Variants in TASL observed in about 807,000 individuals in gnomAD.
TASL encodes the protein TLR adaptor interacting with endolysosomal SLC15A4, also known as TLR adapter interacting with SLC15A4 on the lysosome.
In TASL, 6 loss-of-function variants were observed where a neutral mutation model predicts 12.9. That is an observed-to-expected ratio of 0.46 (90% CI 0.25 to 0.92). The LOEUF is 0.92. Ranked by LOEUF, TASL falls within the 40% of genes least tolerant of loss-of-function variation. TASL has a pLI of 0.17. For missense variants in TASL, 165 were observed against 212.8 expected (o/e 0.78, Z 1.40); for synonymous variants, 85 against 79.3 (o/e 1.07, Z -0.38).
chrX:30,569,765 C>A (rs768388686), intron 2 of TASL, among the ~76,000 whole-genome samples: 1 of 111,732 alleles, frequency 8.9e-6, no homozygotes, highest in African/African-American at 3.2e-5. Flanking sequence ...ATAATCCCAG[C>A]ACTTTGGGAG....
In TASL at chrX:30,564,525, C is replaced by G. The variant is rs190655197; in HGVS notation, c.-1-4169G>C. On this transcript the variant is annotated intron_variant, in intron 2 of 2. Coordinates refer to ENST00000378962, the MANE Select transcript of TASL (RefSeq NM_025159.3). ...TGAAAAAAAGAGTCACAAAAAAAGA[C>G]CAAGAACCAGAATCTTCAGACTTCT... Among the ~76,000 whole-genome samples, 14 of 111,268 alleles carry G rather than the reference C, an allele frequency of 1.3e-4. No homozygotes were observed. The Admixed American group carries it at 1.3e-3, about 11-fold the overall frequency.
At chrX:30,560,893 G>A (rs1009188806) in intron 2 of TASL, among the ~76,000 whole-genome samples, 3 of 111,096 alleles carry the variant, frequency 2.7e-5, no homozygotes, top group Non-Finnish European at 5.7e-5. Flanking sequence ...AGCCTTGGCA[G>A]TCAGGCAAAA....
At chrX:30,561,701 T>C (rs1262910544) in intron 2 of TASL, among the ~76,000 whole-genome samples, 1 of 111,331 alleles carries the variant, frequency 9.0e-6, no homozygotes, top group Non-Finnish European at 1.9e-5. Context: ...GTAATTTTTT[T>C]TTTCTCTTTT....
At chrX:30,572,352 A>G (rs1201914992) in intron 2 of TASL, among the ~76,000 whole-genome samples, 1 of 112,376 alleles carries the variant, frequency 8.9e-6, no homozygotes, top group African/African-American at 3.2e-5. Context: ...ATTTTTTAAA[A>G]TTGACAGATA....
At chrX:30,569,081 G>A (rs1930549110) in intron 2 of TASL, among the ~76,000 whole-genome samples, 1 of 110,924 alleles carries the variant, frequency 9.0e-6, no homozygotes, top group Admixed American at 9.6e-5. Flanking sequence ...GATTCATCCT[G>A]TAGGCACTGC....
chrX:30,571,272 A>AAG (rs753603469), intron 2 of TASL, among the ~76,000 whole-genome samples: 1 of 49,756 alleles, frequency 2.0e-5, no homozygotes, highest in African/African-American at 5.9e-5. Flanking sequence ...GAAAGAAAGA[A>AAG]AGAAAGAAAG....
intron 2 of TASL, among the ~76,000 whole-genome samples, chrX:30,576,067 AT>A (rs1417720549): frequency 1.8e-5 from 2 of 111,956 alleles, no homozygotes; most frequent in Admixed American, 9.6e-5. Context: ...TTTCATTAAC[AT>A]TTACTTAATT....
At chrX:30,571,765 T>C (rs1003226561) in intron 2 of TASL, among the ~76,000 whole-genome samples, 15 of 111,571 alleles carry the variant, frequency 1.3e-4, no homozygotes, top group Non-Finnish European at 2.6e-4. Flanking sequence ...GACTGATTTT[T>C]GCATTTTTCT....
chrX:30,562,897 T>TAC (rs72184120), intron 2 of TASL, among the ~76,000 whole-genome samples: 9,639 of 85,031 alleles, frequency 0.11, 481 homozygotes, highest in Middle Eastern at 0.22. Context: ...AAAGGTATAA[T>TAC]ACACACACAC....
intron 2 of TASL, among the ~76,000 whole-genome samples, chrX:30,569,577 T>C (rs758601459): frequency 4.5e-5 from 5 of 111,647 alleles, no homozygotes; most frequent in African/African-American, 9.8e-5. Context: ...GGAATTTATA[T>C]TGGGGGCTTG....
intron 2 of TASL, among the ~76,000 whole-genome samples, chrX:30,565,715 CAT>C (rs1930488077): frequency 8.9e-6 from 1 of 112,156 alleles, no homozygotes; most frequent in Non-Finnish European, 1.9e-5. Context: ...AAGGTGATAA[CAT>C]AAAATTTTTA....
Position 30,560,093 on chromosome X carries a change from G to A in TASL, c.263C>T (p.Pro88Leu). 8.3e-7 allele frequency: 1 copy of A among 1,211,049 alleles called. No homozygotes were observed. Among genetic ancestry groups the A allele is most frequent in the Non-Finnish European group, 1.1e-6 (1 of 895,126 alleles). Residue 88 changes from proline to leucine, a missense_variant, in exon 3 of 3, where the codon CCC (proline) becomes CTC (leucine). By Grantham distance (98) the Pro-to-Leu change is moderately conservative. Transcript: ENST00000378962. ...GTTTGGGCTTTCAAACACAGGATTG[G>A]GGTTTGTCTGCAGCACTGTGACTCT... is the stretch of plus-strand genomic sequence containing the variant. ...SQRVTVLQTN[P>L]NPVFESPNLA... is the part of the protein sequence containing the mutation.
At chrX:30,575,621 A>G in intron 2 of TASL, among the ~76,000 whole-genome samples, 1 of 112,090 alleles carries the variant, frequency 8.9e-6, no homozygotes, top group Non-Finnish European at 1.9e-5. Flanking sequence ...TTCTTAACAA[A>G]TTAATTTCTG....
chrX:30,575,470 T>C (rs769802231), intron 2 of TASL, among the ~76,000 whole-genome samples: 20 of 111,597 alleles, frequency 1.8e-4, no homozygotes, highest in South Asian at 3.7e-4. Context: ...CTTAATCACA[T>C]ACCTTAGATT....
intron 2 of TASL, among the ~76,000 whole-genome samples, chrX:30,561,019 T>C (rs1328386670): frequency 8.9e-6 from 1 of 111,972 alleles, no homozygotes; most frequent in Non-Finnish European, 1.9e-5. Context: ...CAAATTCTAC[T>C]GAAAACAAGT....
chrX:30,577,286 AG>A (rs1457848154), intron 1 of TASL, among the ~76,000 whole-genome samples: 1 of 112,527 alleles, frequency 8.9e-6, no homozygotes. Flanking sequence ...AAAATGCAGA[AG>A]CTAAACCAGT....
intron 2 of TASL, among the ~76,000 whole-genome samples, chrX:30,565,509 C>T (rs1930484729): frequency 8.9e-6 from 1 of 111,783 alleles, no homozygotes; most frequent in South Asian, 3.7e-4. Context: ...AAAATCTAGA[C>T]CAGCACTGTC....
chrX:30,571,122 G>T (rs1489348406), intron 2 of TASL, among the ~76,000 whole-genome samples: 1 of 105,620 alleles, frequency 9.5e-6, no homozygotes, highest in Non-Finnish European at 1.9e-5. Flanking sequence ...GGAGGTTGTG[G>T]TGAGCTGAGA....
chrX:30,571,047 G>A (rs766975963), intron 2 of TASL, among the ~76,000 whole-genome samples: 341 of 108,426 alleles, frequency 3.1e-3, no homozygotes, highest in Non-Finnish European at 5.2e-3. Flanking sequence ...TGGCGTGGTG[G>A]CACATGCCTG....
Sources: gnomAD v4.1 joint callset for allele counts (sites outside exome capture counted in the v4.1 genomes callset) on GRCh38, gnomAD v4.1.1 for gene constraint, MANE v1.5 for transcripts, NCBI Gene and HGNC (gene_info 2026-07-23, HGNC 2026-07-21) for gene names.